Variants in AZIN2 observed in about 807,000 individuals in gnomAD.
AZIN2 encodes antizyme inhibitor 2.
A neutral mutation model predicts 47.8 loss-of-function variants in AZIN2; 28 were observed. That is an observed-to-expected ratio of 0.59 (90% confidence interval 0.43 to 0.80). AZIN2 has a LOEUF of 0.80. Ranked by LOEUF, AZIN2 falls within the 30% of genes least tolerant of loss-of-function variation. The probability of loss-of-function intolerance (pLI) is 0.00; values close to 1 mark genes in which losing one functional copy is unlikely to be tolerated. For missense variants in AZIN2, 535 were observed against 582.5 expected, an observed-to-expected ratio of 0.92 and a Z score of 0.84; for synonymous variants, 221 against 239.4, an observed-to-expected ratio of 0.92 and a Z score of 0.71.
intron 4 of AZIN2, chr1:33,082,585 CT>C: frequency 2.2e-6 from 1 of 445,648 alleles, no homozygotes. Context: ...CGGGGGATTC[CT>C]TTCCTGCTGC....
intron 5 of AZIN2, among the ~76,000 whole-genome samples, chr1:33,087,720 G>A (rs542460432): frequency 2.6e-5 from 4 of 151,376 alleles, no homozygotes; most frequent in Admixed American, 2.6e-4. Context: ...ACAGGCATGA[G>A]CCACCACACC....
chr1:33,105,430 G>A (rs576854152), intron 10 of AZIN2, among the ~76,000 whole-genome samples: 21 of 152,184 alleles, frequency 1.4e-4, no homozygotes, highest in Non-Finnish European at 1.6e-4. Flanking sequence ...CCCAAGAATG[G>A]GTAATTTAAA....
the AZIN2 span, among the ~76,000 whole-genome samples, chr1:33,158,069 T>C: frequency 6.6e-6 from 1 of 152,118 alleles, no homozygotes; most frequent in Admixed American, 6.5e-5. Flanking sequence ...CCTGGGGTGT[T>C]ATGAAGGTCC....
intron 10 of AZIN2, among the ~76,000 whole-genome samples, chr1:33,117,594 G>A (rs1011183330): frequency 6.6e-5 from 10 of 152,186 alleles, no homozygotes; most frequent in Admixed American, 5.2e-4. Context: ...GTAACCTTAC[G>A]AGGTAGGTAC....
chr1:33,150,186 G>C, the AZIN2 span, among the ~76,000 whole-genome samples: 846 of 152,374 alleles, frequency 5.6e-3, 9 homozygotes, highest in African/African-American at 0.019. Context: ...ATGAGGAAAA[G>C]TGGGAAGAAG....
the AZIN2 span, among the ~76,000 whole-genome samples, chr1:33,137,623 T>G: frequency 6.6e-6 from 1 of 152,128 alleles, no homozygotes; most frequent in Non-Finnish European, 1.5e-5. Flanking sequence ...TTGCCCAACA[T>G]CACACTTAAC....
intron 10 of AZIN2, among the ~76,000 whole-genome samples, chr1:33,114,645 G>T (rs868380936): frequency 1.7e-4 from 22 of 132,796 alleles, no homozygotes; most frequent in South Asian, 4.8e-4. Context: ...GAGCCACCGC[G>T]ACCCGCCTTT....
At position 33,083,778 on chromosome 1, in the gene AZIN2, C is replaced by G. The variant is rs973313466; in HGVS notation, c.106-176C>G. 3 of 673,208 alleles carry G rather than the reference C, an allele frequency of 4.5e-6. No individual in the cohort carries two copies. The African/African-American group carries it at 5.3e-5, about 12-fold the overall frequency. The allele number at this position is 673,208 out of a possible 1,614,324, so 41.7% of individuals were successfully genotyped here. ...GGGGCTAGATCAGAGCCTTGAATGC[C>G]AGGCTGAGGAGTTTGCCTTCTGCCC... is the stretch of plus-strand genomic sequence containing the variant. On this transcript the variant is annotated intron_variant, in intron 4 of 11. Transcript: ENST00000294517.
Position 33,122,096 on chromosome 1 carries a change from C to T in AZIN2, c.*1914C>T, listed in dbSNP as rs1644805208. Among the ~76,000 whole-genome samples the T allele has an allele frequency of 6.6e-6, 1 of 152,224 alleles. No individual in the cohort carries two copies. The highest frequency in any genetic ancestry group is 2.4e-5 in the African/African-American group (1 of 41,460). On this transcript the variant is annotated 3_prime_UTR_variant, in exon 12 of 12. Transcript: ENST00000294517. ...CAGGTATTACCATGCCAGTAATTGT[C>T]TATCAGACTCTGAGACTTCTTCCAT...
the AZIN2 span, among the ~76,000 whole-genome samples, chr1:33,133,562 CA>C: frequency 6.6e-6 from 1 of 152,170 alleles, no homozygotes; most frequent in Non-Finnish European, 1.5e-5. Flanking sequence ...ATGAGGAGAG[CA>C]GGGCCGGGAT....
In AZIN2 at chr1:33,081,921, C is replaced by T; in HGVS notation, c.-73+109C>T. 3.2e-6 allele frequency: 1 copy of T among 316,830 alleles called. No homozygotes were observed. The highest frequency in any genetic ancestry group is 2.7e-5 in the South Asian group (1 of 37,170). The allele number at this position is 316,830 out of a possible 1,614,324, so 19.6% of individuals were successfully genotyped here. A position where few individuals can be genotyped will look rare whatever the true frequency, so the allele number is the denominator to read the frequency against. On this transcript the variant is annotated intron_variant, in intron 3 of 11. Transcript: ENST00000294517. The surrounding 1 kb of genome is among the most constrained non-coding windows in gnomAD (Gnocchi z 4.2). Reference sequence around the variant, plus strand: ...TTTCCTGAAATCCAGAATTTCAGAACTGGGAAGGCTCTCCAAAACAATTCA... The same window carrying T: ...TTTCCTGAAATCCAGAATTTCAGAATTGGGAAGGCTCTCCAAAACAATTCA...
the AZIN2 span, among the ~76,000 whole-genome samples, chr1:33,137,171 G>T: frequency 0.18 from 27,699 of 151,914 alleles, 3,007 homozygotes; most frequent in South Asian, 0.29. Flanking sequence ...AGCAAGGGAA[G>T]AATGATCCCT....
At position 33,121,269 on chromosome 1, in the gene AZIN2, T is replaced by A. The variant is rs1644788528; in HGVS notation, c.*1087T>A. ...CATATGCAATCATCAAATTCACCCTTTTAAATGCAGAAGCCTGGGTGCAGT... is the reference window on the plus strand; with the variant it reads ...CATATGCAATCATCAAATTCACCCTATTAAATGCAGAAGCCTGGGTGCAGT... On this transcript the variant is annotated 3_prime_UTR_variant, in exon 12 of 12. Coordinates refer to ENST00000294517, the MANE Select transcript of AZIN2 (RefSeq NM_052998.4). 3.3e-5 allele frequency among the ~76,000 whole-genome samples: 5 copies of A among 152,310 alleles called. No individual in the cohort carries two copies. In the South Asian group the frequency reaches 8.3e-4, roughly 25 times the overall value.
chr1:33,094,508 G>A, intron 7 of AZIN2, 40 bp from the exon 8 acceptor site: 1 of 1,588,154 alleles, frequency 6.3e-7, no homozygotes, highest in Non-Finnish European at 8.6e-7. Flanking sequence ...GTGGCACTTG[G>A]AGCCCTGCAT....
At chr1:33,141,978 G>C in the AZIN2 span, 1 of 152,528 alleles carries the variant, frequency 6.6e-6, no homozygotes, top group African/African-American at 2.4e-5. Flanking sequence ...CTTTTTTTTG[G>C]AGGCTGTGCC....
Position 33,120,269 on chromosome 1 carries a change from T to C in AZIN2, c.*87T>C. ...GGGAAGATGGCAGGCAAGGGTACCCTTGGCCAGGACTCTGGTGCCCACCCT... is the reference window on the plus strand; with the variant it reads ...GGGAAGATGGCAGGCAAGGGTACCCCTGGCCAGGACTCTGGTGCCCACCCT... On this transcript the variant is annotated 3_prime_UTR_variant, in exon 12 of 12. Coordinates refer to ENST00000294517, the MANE Select transcript of AZIN2 (RefSeq NM_052998.4). The C allele has an allele frequency of 5.9e-6, 9 of 1,524,350 alleles. No individual in the cohort carries two copies. Among genetic ancestry groups the C allele is most frequent in the Non-Finnish European group, 7.9e-6 (9 of 1,133,934 alleles). The allele number at this position is 1,524,350 out of a possible 1,614,324, so 94.4% of individuals were successfully genotyped here. A position where few individuals can be genotyped will look rare whatever the true frequency, so the allele number is the denominator to read the frequency against.
chr1:33,116,710 C>T (rs759018985), intron 10 of AZIN2, among the ~76,000 whole-genome samples: 18 of 152,254 alleles, frequency 1.2e-4, no homozygotes, highest in African/African-American at 2.2e-4. Flanking sequence ...GTAAATACTA[C>T]GAAAGCAAAG....
chr1:33,098,075 G>T lies in AZIN2; in HGVS notation c.925G>T (p.Gly309Cys). The T allele has an allele frequency of 6.2e-7, 1 of 1,612,778 alleles. No homozygotes were observed. The highest frequency in any genetic ancestry group is 8.5e-7 in the Non-Finnish European group (1 of 1,178,770). ...LDQPGREEEN[G>C]STSKTIVYHL... ...ACCCTCCCCTCCTGCAGAGGAAAAT[G>T]GTTCCACCTCCAAGACCATCGTGTA... Residue 309 changes from glycine (G) to cysteine (C), a missense_variant, in exon 10 of 12, where the codon GGT becomes TGT. By Grantham distance (159) the Gly-to-Cys change is radical (BLOSUM62 -3). Transcript: ENST00000294517.
intron 10 of AZIN2, among the ~76,000 whole-genome samples, chr1:33,099,719 G>A (rs1643508969): frequency 6.6e-6 from 1 of 152,202 alleles, no homozygotes; most frequent in African/African-American, 2.4e-5. Flanking sequence ...GGTCTGTGCT[G>A]TTCCTCCCCT....
Sources: allele counts gnomAD v4.1 joint callset (sites outside exome capture counted in the v4.1 genomes callset), GRCh38; gene constraint gnomAD v4.1.1; non-coding constraint Gnocchi (gnomAD v3.1); transcripts MANE v1.5; gene names NCBI Gene and HGNC (gene_info 2026-07-23, HGNC 2026-07-21).